The following DNAH5 variants were observed in gnomAD, a reference collection of about 807,000 sequenced individuals.
DNAH5 encodes dynein axonemal heavy chain 5.
DNAH5 carries 372 observed loss-of-function variants against 518.2 expected under a neutral mutation model. The ratio of observed to expected loss-of-function variants is 0.72; its 90% CI spans 0.66 to 0.78. DNAH5 has a LOEUF of 0.78. DNAH5 is among the 30% of genes least tolerant of loss of function. The probability of loss-of-function intolerance (pLI) is 0.00; values close to 1 mark genes in which losing one functional copy is unlikely to be tolerated. For missense variants in DNAH5, 5,523 were observed against 5,687.0 expected (o/e 0.97, Z 0.93); for synonymous variants, 2,039 against 2,025.9 (o/e 1.01, Z -0.17).
intron 15 of DNAH5, among the ~76,000 whole-genome samples, chr5:13,896,235 C>A (rs1773903467): frequency 6.6e-6 from 1 of 152,040 alleles, no homozygotes; most frequent in Admixed American, 6.5e-5. Flanking sequence ...GGGCTACAAA[C>A]CTTTATACAA....
chr5:13,727,337 G>A (rs1027318494), intron 70 of DNAH5, among the ~76,000 whole-genome samples, 170 bp downstream of exon 70: 2 of 152,120 alleles, frequency 1.3e-5, no homozygotes, highest in African/African-American at 4.8e-5. Flanking sequence ...TATGCCTCAA[G>A]ACATCTATTT....
chr5:13,969,788 T>C (rs918212429), intron 1 of DNAH5, among the ~76,000 whole-genome samples: 1 of 152,194 alleles, frequency 6.6e-6, no homozygotes, highest in Non-Finnish European at 1.5e-5. Flanking sequence ...TCTGTAGTTG[T>C]TGGGTAGAAT....
chr5:13,721,209 A>G lies in DNAH5; in HGVS notation c.12070T>C (p.Tyr4024His), dbSNP rs1308657342. ...AAGTCTAAAATAACACCTTCGGCAT[A>G]TTTTTCTCCCATGGAGTCCACGATG... Reference protein sequence around the residue: ...KYIVDSMGEKYAEGVILDLEK... With the variant: ...KYIVDSMGEKHAEGVILDLEK... The change falls in exon 71 of 79, where the codon TAT becomes CAT. Residue 4024 changes from tyrosine to histidine, a missense_variant. This residue lies in a region of DNAH5 where 5,121 missense variants were observed against 5,223.3 expected (regional missense o/e 0.98). Coordinates refer to ENST00000265104, the MANE Select transcript of DNAH5 (RefSeq NM_001369.3). 5 of 1,614,094 alleles carry G rather than the reference A, an allele frequency of 3.1e-6. No homozygotes were observed. The highest frequency in any genetic ancestry group is 4.2e-6 in the Non-Finnish European group (5 of 1,179,984).
rs1744059395 is a variant in DNAH5, at chr5:13,714,708, T to TGA, written c.12910-90_12910-89dup. On this transcript the variant is annotated intron_variant, in intron 74 of 78. Transcript: ENST00000265104. ...ATTTTAGGAAACAAAAATGCTTCTA[T>TGA]GAGGGTATGCATTTACTTAAGTCTT... 3 of 1,254,566 alleles carry TGA rather than the reference T, an allele frequency of 2.4e-6. No homozygotes were observed. The South Asian group carries it at 3.8e-5, about 16-fold the overall frequency. 77.7% of individuals were successfully genotyped at this position (1,254,566 alleles called of 1,614,324 possible). A position where few individuals can be genotyped will look rare whatever the true frequency, so the allele number is the denominator to read the frequency against.
intron 29 of DNAH5, among the ~76,000 whole-genome samples, chr5:13,861,680 GGCACA>G (rs1768431761): frequency 6.6e-6 from 1 of 152,208 alleles, no homozygotes; most frequent in Non-Finnish European, 1.5e-5. Flanking sequence ...CATGTGGACA[GGCACA>G]GTGGCTCATG....
At chr5:13,772,866 T>C (rs1404696443) in intron 55 of DNAH5, among the ~76,000 whole-genome samples, 1 of 152,198 alleles carries the variant, frequency 6.6e-6, no homozygotes, top group Non-Finnish European at 1.5e-5. Flanking sequence ...CTGGAGGTAA[T>C]AATTTAATTC....
rs150611257 is a variant in DNAH5, at chr5:13,958,224, T to C, written c.13-26980A>G. ...TCTATTTATTAATTTCAATAAATTA[T>C]TATAAAATTCATCTCTCCAAAATTA... is the stretch of plus-strand genomic sequence containing the variant. On this transcript the variant is annotated intron_variant, in intron 1 of 78. Transcript: ENST00000681290. Among the ~76,000 whole-genome samples, 650 of 152,196 alleles carry C rather than the reference T, an allele frequency of 4.3e-3. 3 individuals are homozygous for C. Among genetic ancestry groups the C allele is most frequent in the African/African-American group, 0.015 (621 of 41,566 alleles).
intron 21 of DNAH5, among the ~76,000 whole-genome samples, chr5:13,877,027 T>A (rs1049034875): frequency 3.9e-5 from 6 of 152,246 alleles, no homozygotes; most frequent in Admixed American, 2.0e-4. Flanking sequence ...AAAGTGTTTA[T>A]TCAAGAACAA....
intron 14 of DNAH5, 50 bp downstream of exon 14, chr5:13,901,202 G>C: frequency 6.3e-7 from 1 of 1,577,868 alleles, no homozygotes; most frequent in East Asian, 2.2e-5. Flanking sequence ...TGCTAGAAGA[G>C]GGGTTCCCAT....
rs60470226 is a variant in DNAH5 at position 13,862,860 on chromosome 5, A to ATATATATATATATATATATG, written c.4597-114_4597-113insCATATATATATATATATATA. On this transcript the variant is annotated intron_variant, in intron 28 of 78. Transcript: ENST00000265104. ...TTGCTTCATATATATATAAATATAT[A>ATATATATATATATATATATG]TATAAACTTTTATATTTCCAGACCT... The ATATATATATATATATATATG allele has an allele frequency of 1.9e-3, 557 of 292,894 alleles. 9 individuals are homozygous for ATATATATATATATATATATG. Among genetic ancestry groups the ATATATATATATATATATATG allele is most frequent in the African/African-American group, 9.6e-3 (422 of 44,086 alleles). 18.1% of individuals were successfully genotyped at this position (292,894 alleles called of 1,614,324 possible). A position where few individuals can be genotyped will look rare whatever the true frequency, so the allele number is the denominator to read the frequency against.
intron 65 of DNAH5, among the ~76,000 whole-genome samples, chr5:13,743,724 G>T (rs1156392705): frequency 2.6e-5 from 4 of 151,914 alleles, no homozygotes. Flanking sequence ...CATCATTAAT[G>T]GTCGGGGAAA....
chr5:13,842,463 GAA>G lies in DNAH5; in HGVS notation c.5272-561_5272-560del, dbSNP rs1765377814. On this transcript the variant is annotated intron_variant, in intron 32 of 78. Transcript: ENST00000265104. ...AGAAAGAAAGAAAGAAAGAAAGAAAGAAAGAAAGAAAGAAAGAAAGAGAAAGA... is the reference window on the plus strand; with the variant it reads ...AGAAAGAAAGAAAGAAAGAAAGAAAGAGAAAGAAAGAAAGAAAGAGAAAGA... Among the ~76,000 whole-genome samples, 4 of 104,728 alleles carry G rather than the reference GAA, an allele frequency of 3.8e-5. No homozygotes were observed. In the South Asian group the frequency reaches 1.2e-3, roughly 31 times the overall value. 68.7% of individuals were successfully genotyped at this position (104,728 alleles called of 152,430 possible).
In DNAH5 at chr5:13,751,158, T is replaced by C. The variant is rs1423504655; in HGVS notation, c.11131A>G (p.Thr3711Ala). The C allele has an allele frequency of 6.8e-6, 11 of 1,613,882 alleles. No individual in the cohort carries two copies. Among genetic ancestry groups the C allele is most frequent in the Non-Finnish European group, 9.3e-6 (11 of 1,179,932 alleles). ...PAYTPEISAR[T>A]SIIDFTVTMK... ...GTGACAGTGAAGTCAATGATGGAGG[T>C]ACGGGCACTTATCTCAGGGGTGTAG... Residue 3711 changes from threonine to alanine, a missense_variant, in exon 65 of 79, where the codon ACC (threonine) becomes GCC (alanine). Coordinates refer to ENST00000265104, the MANE Select transcript of DNAH5 (RefSeq NM_001369.3).
chr5:13,793,837 C>T, intron 48 of DNAH5, 99 bp downstream of exon 48: 1 of 1,551,042 alleles, frequency 6.4e-7, no homozygotes. Flanking sequence ...GAAATTATAT[C>T]TTGAAAAAGT....
In DNAH5 at chr5:13,765,170, C is replaced by T. The variant is rs377286484; in HGVS notation, c.10101+806G>A. Among the ~76,000 whole-genome samples, 120 of 152,246 alleles carry T rather than the reference C, an allele frequency of 7.9e-4. 3 individuals carry two copies. The South Asian group carries it at 0.025, about 31-fold the overall frequency. On this transcript the variant is annotated intron_variant, in intron 59 of 78. Coordinates refer to ENST00000265104, the MANE Select transcript of DNAH5 (RefSeq NM_001369.3). ...GCTTAAAACAGCCATCATGGGAGTG[C>T]TTACACTATGGCAAGACTTCAAATT...
Position 13,752,221 on chromosome 5 carries a change from C to A in DNAH5, c.10941G>T (p.Leu3647Phe), listed in dbSNP as rs777245669. 1.2e-6 allele frequency: 2 copies of A among 1,614,012 alleles called. No homozygotes were observed. ...LEDSLSLGRP[L>F]LIEDVGEELD... is the part of the protein sequence containing the mutation. ...GTTCCTCTCCAACATCTTCAATAAG[C>A]AAAGGCCTTCCAAGAGAAAGGCTGT... Residue 3647 changes from leucine (L) to phenylalanine (F), a missense_variant, in exon 64 of 79, where the codon TTG becomes TTT. Leu to Phe is a conservative substitution (Grantham distance 22). Transcript: ENST00000265104.
intron 21 of DNAH5, among the ~76,000 whole-genome samples, chr5:13,880,079 G>A (rs1771448459): frequency 2.0e-5 from 3 of 152,104 alleles, no homozygotes; most frequent in Admixed American, 2.0e-4. Flanking sequence ...TTGTATGTAA[G>A]GGAACACTCA....
rs548386468 is a variant in DNAH5 at position 14,003,788 on chromosome 5, C to G, written c.12+7860G>C. ...ACTCTCTCTTTGAAGCTTTCAGCCA[C>G]CATGAAAGCAGCCCACTGCCCTGAG... On this transcript the variant is annotated intron_variant, in intron 1 of 78. Coordinates refer to the DNAH5 transcript ENST00000681290. Among the ~76,000 whole-genome samples the G allele has an allele frequency of 1.4e-4, 22 of 152,358 alleles. No homozygotes were observed. In the East Asian group the frequency reaches 4.2e-3, roughly 29 times the overall value.
chr5:13,991,971 A>T (rs757774798), intron 1 of DNAH5, among the ~76,000 whole-genome samples: 9 of 152,234 alleles, frequency 5.9e-5, no homozygotes, highest in Non-Finnish European at 4.4e-5. Context: ...TACACGAAGC[A>T]GAATGAACGG....
Sources: allele counts gnomAD v4.1 joint callset (sites outside exome capture counted in the v4.1 genomes callset), GRCh38; gene constraint gnomAD v4.1.1; regional missense constraint gnomAD v4.1.1; transcripts MANE v1.5; gene names NCBI Gene and HGNC (gene_info 2026-07-23, HGNC 2026-07-21).